Variants in LRBA observed in about 807,000 individuals in gnomAD.
LRBA encodes LPS responsive beige-like anchor protein, also known as lipopolysaccharide-responsive and beige-like anchor protein.
Under a neutral mutation model 330.0 loss-of-function variants are expected in LRBA, and 176 were observed. The observed-to-expected ratio is 0.53, with a 90% CI of 0.47 to 0.60. The LOEUF (loss-of-function observed/expected upper bound fraction) is 0.60, where lower values mean the gene tolerates loss of function less well. LRBA is among the 20% of genes least tolerant of loss of function. LRBA has a pLI of 0.00. For missense variants in LRBA, 3,259 were observed against 3,444.8 expected, an observed-to-expected ratio of 0.95 and a Z score of 1.35; for synonymous variants, 1,230 against 1,193.0, an observed-to-expected ratio of 1.03 and a Z score of -0.64.
chr4:150,969,947 T>G (rs968146158), intron 2 of LRBA, among the ~76,000 whole-genome samples: 3 of 152,182 alleles, frequency 2.0e-5, no homozygotes, highest in Non-Finnish European at 2.9e-5. Context: ...CTGAACAGCA[T>G]TGCATGCTAC....
chr4:150,507,214 T>C (rs1467878183), intron 40 of LRBA, among the ~76,000 whole-genome samples: 1 of 151,672 alleles, frequency 6.6e-6, no homozygotes, highest in Non-Finnish European at 1.5e-5. Flanking sequence ...CTTCACAGAA[T>C]TGGAAAAAAC....
intron 47 of LRBA, among the ~76,000 whole-genome samples, chr4:150,406,338 G>A (rs1361721062): frequency 2.6e-5 from 4 of 152,166 alleles, no homozygotes; most frequent in African/African-American, 7.2e-5. Flanking sequence ...TATCTGGATT[G>A]TGCTATTATT....
At chr4:150,817,645 A>C (rs1032148304) in intron 30 of LRBA, among the ~76,000 whole-genome samples, 1 of 145,662 alleles carries the variant, frequency 6.9e-6, no homozygotes, top group African/African-American at 2.5e-5. Flanking sequence ...TTATAAGCTT[A>C]AAAAAAAAAA....
At chr4:150,357,095 C>A (rs1252530357) in intron 47 of LRBA, among the ~76,000 whole-genome samples, 12 of 151,934 alleles carry the variant, frequency 7.9e-5, no homozygotes, top group Admixed American at 6.6e-5. Flanking sequence ...ATAGAGAAAT[C>A]ACTAAAAGGG....
At chr4:150,453,175 A>G (rs1399495528) in intron 44 of LRBA, among the ~76,000 whole-genome samples, 1 of 152,188 alleles carries the variant, frequency 6.6e-6, no homozygotes, top group Non-Finnish European at 1.5e-5. Flanking sequence ...AAGGCTTTTT[A>G]AAAATTAGAA....
chr4:150,328,899 T>C (rs1324965051), intron 48 of LRBA, among the ~76,000 whole-genome samples: 2 of 152,196 alleles, frequency 1.3e-5, no homozygotes, highest in African/African-American at 4.8e-5. Flanking sequence ...AAATTTAATA[T>C]AACTGGCCTT....
Position 150,264,950 on chromosome 4 carries a change from C to T in LRBA, c.*772G>A, listed in dbSNP as rs1580830551. On this transcript the variant is annotated 3_prime_UTR_variant, in exon 57 of 57. Transcript: ENST00000651943. The stretch of plus-strand genomic sequence containing the variant: ...GTGGCTCCGCCTCATTGTCCAGGCA[C>T]AGGCAAACCGCAGTAGTGAGCTTTG... 1 of 152,640 alleles carries T rather than the reference C, an allele frequency of 6.6e-6. No individual in the cohort carries two copies. The highest frequency in any genetic ancestry group is 1.5e-5 in the Non-Finnish European group (1 of 68,042). 9.5% of individuals were successfully genotyped at this position (152,640 alleles called of 1,614,324 possible).
rs539563135 is a variant in LRBA at position 150,638,183 on chromosome 4, C to T, written c.5922-39052G>A. ...AAAAGCTGGGATTACAGGCAAGCAC[C>T]GCTATGCCTGGCTAATGTTATCTTT... On this transcript the variant is annotated intron_variant, in intron 37 of 56. Transcript: ENST00000651943. Among the ~76,000 whole-genome samples, 249 of 152,116 alleles carry T rather than the reference C, an allele frequency of 1.6e-3. 1 individual carries two copies. The highest frequency in any genetic ancestry group is 3.7e-3 in the Admixed American group (56 of 15,274).
chr4:150,727,991 A>G (rs1430715069), intron 36 of LRBA, among the ~76,000 whole-genome samples: 2 of 152,156 alleles, frequency 1.3e-5, no homozygotes, highest in Non-Finnish European at 2.9e-5. Flanking sequence ...AAAAGAGAAG[A>G]TCCAAACAAA....
chr4:150,378,037 G>A (rs1741631379), intron 47 of LRBA, among the ~76,000 whole-genome samples: 1 of 151,742 alleles, frequency 6.6e-6, no homozygotes, highest in African/African-American at 2.4e-5. Flanking sequence ...CCTATATTTG[G>A]TCACTTGATA....
intron 40 of LRBA, among the ~76,000 whole-genome samples, chr4:150,559,401 A>C (rs1035516799): frequency 6.6e-6 from 1 of 150,780 alleles, no homozygotes; most frequent in African/African-American, 2.4e-5. Flanking sequence ...TCTCTACTAA[A>C]AATACAAAAA....
Position 150,602,751 on chromosome 4 carries a change from T to A in LRBA, c.5922-3620A>T, listed in dbSNP as rs116314047. On this transcript the variant is annotated intron_variant, in intron 37 of 56. Transcript: ENST00000651943. Reference sequence around the variant, plus strand: ...AAAGAGGATACAAAATTGGCAAATTTATTAATAACATAGTGATCCAACCCT... The same window carrying A: ...AAAGAGGATACAAAATTGGCAAATTAATTAATAACATAGTGATCCAACCCT... Among the ~76,000 whole-genome samples, 586 of 152,350 alleles carry A rather than the reference T, an allele frequency of 3.8e-3. 1 individual carries two copies. The highest frequency in any genetic ancestry group is 0.013 in the African/African-American group (542 of 41,578).
intron 48 of LRBA, among the ~76,000 whole-genome samples, chr4:150,340,310 T>C (rs898327137): frequency 1.3e-5 from 2 of 152,164 alleles, no homozygotes; most frequent in Admixed American, 6.5e-5. Context: ...TCTAAGTAAA[T>C]AGTACATGAA....
intron 47 of LRBA, among the ~76,000 whole-genome samples, chr4:150,365,053 T>C (rs1431263368): frequency 1.3e-5 from 2 of 152,036 alleles, no homozygotes; most frequent in Non-Finnish European, 2.9e-5. Context: ...TTTGTTACTC[T>C]GGCTGGAGTG....
intron 37 of LRBA, among the ~76,000 whole-genome samples, chr4:150,631,895 G>A (rs2126673086): frequency 6.6e-6 from 1 of 152,304 alleles, no homozygotes; most frequent in South Asian, 2.1e-4. Flanking sequence ...GAACTAAGAA[G>A]AGAGGTAAAG....
At chr4:150,866,130 C>A (rs1286506110) in intron 22 of LRBA, among the ~76,000 whole-genome samples, 1 of 152,192 alleles carries the variant, frequency 6.6e-6, no homozygotes, top group East Asian at 1.9e-4. Flanking sequence ...GTATTTATTC[C>A]TTCTAGTCAA....
intron 40 of LRBA, among the ~76,000 whole-genome samples, chr4:150,543,302 C>A (rs1310646274): frequency 1.3e-5 from 2 of 152,112 alleles, no homozygotes; most frequent in East Asian, 3.9e-4. Context: ...GGGAATACAT[C>A]CTGAATTTGT....
At chr4:150,698,528 T>C (rs1291464844) in intron 36 of LRBA, among the ~76,000 whole-genome samples, 1 of 152,236 alleles carries the variant, frequency 6.6e-6, no homozygotes, top group Non-Finnish European at 1.5e-5. Context: ...CAGTTTTACC[T>C]ACATATAAAC....
chr4:150,272,332 G>C (rs1746215822), intron 56 of LRBA, among the ~76,000 whole-genome samples: 1 of 152,078 alleles, frequency 6.6e-6, no homozygotes. Flanking sequence ...CAACATCAAA[G>C]ACTAAAGAAA....
Sources: gnomAD v4.1 joint callset for allele counts (sites outside exome capture counted in the v4.1 genomes callset) on GRCh38, gnomAD v4.1.1 for gene constraint, MANE v1.5 for transcripts, NCBI Gene and HGNC (gene_info 2026-07-23, HGNC 2026-07-21) for gene names.